NAT10: variants seen among roughly 807,000 people sequenced by gnomAD.
The protein encoded by NAT10 is RNA cytidine acetyltransferase.
A neutral mutation model predicts 132.2 loss-of-function variants in NAT10; 109 were observed. The ratio of observed to expected loss-of-function variants is 0.82; its 90% confidence interval spans 0.71 to 0.97. NAT10 has a LOEUF of 0.97. Among genes scored for constraint, NAT10 ranks in the 50% least tolerant of loss-of-function variants. NAT10 has a pLI of 0.00. For synonymous variants in NAT10, 479 were observed against 478.0 expected (o/e 1.00, Z -0.03); for missense variants, 1,184 against 1,263.4 (o/e 0.94, Z 0.95).
chr11:34,140,430 TC>T lies in NAT10; in HGVS notation c.2452del (p.Leu818SerfsTer5). ...AGCCGGGAGGAGCTGGAAGCACTCT[TC>T]CTCCCCTATGACCTGAAGCGGCTGG... ...ALSREELEALFLPYDLKRLEM... is the reference protein window; with the variant it reads ...ALSREELEALXLPYDLKRLEM... On this transcript the variant is annotated frameshift_variant, in exon 24 of 29. Coordinates refer to ENST00000257829, the MANE Select transcript of NAT10 (RefSeq NM_024662.3). LOFTEE classifies it high-confidence loss of function. 1.2e-6 allele frequency: 2 copies of T among 1,614,056 alleles called. No homozygotes were observed. Among genetic ancestry groups the T allele is most frequent in the Non-Finnish European group, 1.7e-6 (2 of 1,179,946 alleles).
intron 27 of NAT10, among the ~76,000 whole-genome samples, chr11:34,143,013 G>A (rs1322755117): frequency 6.6e-6 from 1 of 152,232 alleles, no homozygotes; most frequent in Non-Finnish European, 1.5e-5. Flanking sequence ...TGCCAGGACT[G>A]CTAAATCTGA....
rs1230748462 is a variant in NAT10, at chr11:34,134,494, T to C, written c.1837-18T>C. 6.2e-7 allele frequency: 1 copy of C among 1,614,034 alleles called. No homozygotes were observed. Among genetic ancestry groups the C allele is most frequent in the South Asian group, 1.1e-5 (1 of 91,080 alleles). On this transcript the variant is annotated intron_variant, in intron 17 of 28. Transcript: ENST00000257829. ...GATGTCTGTGTTGCTAAGTTACTGG[T>C]TTGTGTCTCCCACACAGTTCCAAGA...
intron 27 of NAT10, among the ~76,000 whole-genome samples, chr11:34,143,005 C>T (rs1745268893): frequency 6.6e-6 from 1 of 152,102 alleles, no homozygotes; most frequent in Admixed American, 6.5e-5. Flanking sequence ...CCTTGATTTG[C>T]CAGGACTGCT....
chr11:34,115,726 A>G lies in NAT10; in HGVS notation c.496-97A>G, dbSNP rs1851773051. 4 of 1,211,720 alleles carry G rather than the reference A, an allele frequency of 3.3e-6. No individual in the cohort carries two copies. The East Asian group carries it at 9.8e-5, about 30-fold the overall frequency. 75.1% of individuals were successfully genotyped at this position (1,211,720 alleles called of 1,614,324 possible). ...TGGGAGTGATTTTGTTTCCAGCAAG[A>G]TTGCCCATGTCTCCTTGGATAGAGC... On this transcript the variant is annotated intron_variant, in intron 5 of 28. Coordinates refer to ENST00000257829, the MANE Select transcript of NAT10 (RefSeq NM_024662.3).
At chr11:34,130,004 T>G (rs1852076850) in intron 12 of NAT10, among the ~76,000 whole-genome samples, 2 of 152,178 alleles carry the variant, frequency 1.3e-5, no homozygotes, top group East Asian at 3.8e-4. Context: ...AGGATACTTT[T>G]GGGAGAGCTT....
intron 5 of NAT10, 107 bp downstream of exon 5, chr11:34,113,945 A>G (rs1851743361): frequency 3.0e-6 from 4 of 1,355,478 alleles, no homozygotes; most frequent in Non-Finnish European, 3.0e-6. Flanking sequence ...GTGAGTAGTC[A>G]GCACAGCCTC....
chr11:34,115,915 C>T lies in NAT10; in HGVS notation c.557+31C>T, dbSNP rs368045718. The T allele has an allele frequency of 2.5e-6, 4 of 1,603,674 alleles. No individual in the cohort carries two copies. In the African/African-American group the frequency reaches 4.0e-5, roughly 16 times the overall value. On this transcript the variant is annotated intron_variant, in intron 6 of 28. Transcript: ENST00000257829. ...TCTATAGTTCCCCCCAATTGTGGGG[C>T]AGCCACATTGGGAGGGACATTTTTA...
chr11:34,132,103 G>A (rs200239493), intron 14 of NAT10, 22 bp from the exon 15 acceptor site: 21 of 1,566,752 alleles, frequency 1.3e-5, no homozygotes, highest in Non-Finnish European at 1.8e-5. Context: ...GTTTTGTTTT[G>A]GTTTCTTAAC....
Position 34,146,749 on chromosome 11 carries a change from C to G in NAT10, c.*557C>G, listed in dbSNP as rs1852450647. ...TCTTGGCTCCAGCAGACCCACTGTC[C>G]CAGAAAAGCCTGATCCTGTAGTTTA... On this transcript the variant is annotated 3_prime_UTR_variant, in exon 29 of 29. Coordinates refer to ENST00000257829, the MANE Select transcript of NAT10 (RefSeq NM_024662.3). 1 of 152,396 alleles carries G rather than the reference C, an allele frequency of 6.6e-6. No individual in the cohort carries two copies. The highest frequency in any genetic ancestry group is 2.4e-5 in the African/African-American group (1 of 41,428). The allele number at this position is 152,396 out of a possible 1,614,324, so 9.4% of individuals were successfully genotyped here.
Position 34,111,207 on chromosome 11 carries a change from G to T in NAT10, c.201-845G>T, listed in dbSNP as rs978365183. On this transcript the variant is annotated intron_variant, in intron 3 of 28. Coordinates refer to ENST00000257829, the MANE Select transcript of NAT10 (RefSeq NM_024662.3). Reference sequence around the variant, plus strand: ...CTTATAGCTCTTCTGCCCCACCCCTGTCTTAGTCTGGCAGAGCATTGTGTT... The same window carrying T: ...CTTATAGCTCTTCTGCCCCACCCCTTTCTTAGTCTGGCAGAGCATTGTGTT... 1.6e-4 allele frequency among the ~76,000 whole-genome samples: 25 copies of T among 152,270 alleles called. 1 individual carries two copies. In the South Asian group the frequency reaches 5.0e-3, roughly 30 times the overall value.
intron 4 of NAT10, among the ~76,000 whole-genome samples, chr11:34,112,472 G>A (rs914697908): frequency 9.9e-5 from 15 of 152,196 alleles, no homozygotes; most frequent in Admixed American, 5.2e-4. Flanking sequence ...TTATTATAAC[G>A]GGTTCTAACT....
At position 34,124,292 on chromosome 11, in the gene NAT10, TC is replaced by T. The variant is rs1176185598; in HGVS notation, c.1009-6del. The T allele has an allele frequency of 6.3e-7, 1 of 1,587,844 alleles. No individual in the cohort carries two copies. On this transcript the variant is annotated splice_polypyrimidine_tract_variant and intron_variant, in intron 10 of 28. Coordinates refer to ENST00000257829, the MANE Select transcript of NAT10 (RefSeq NM_024662.3). ...TTCTAAAGTTTGTCATTGGTTTGAC[TC>T]CCCACCAGGAACATCTGGATTATGA...
At position 34,124,289 on chromosome 11, in the gene NAT10, G is replaced by C. The variant is rs1271730630; in HGVS notation, c.1009-13G>C. The C allele has an allele frequency of 3.2e-6, 5 of 1,574,388 alleles. No individual in the cohort carries two copies. In the African/African-American group the frequency reaches 5.4e-5, roughly 17 times the overall value. ...TGTTTCTAAAGTTTGTCATTGGTTT[G>C]ACTCCCCACCAGGAACATCTGGATT... is the stretch of plus-strand genomic sequence containing the variant. On this transcript the variant is annotated splice_polypyrimidine_tract_variant and intron_variant, in intron 10 of 28. Transcript: ENST00000257829.
In NAT10 at chr11:34,133,090, C is replaced by T; in HGVS notation, c.1682C>T (p.Pro561Leu). The T allele has an allele frequency of 6.2e-7, 1 of 1,614,176 alleles. No homozygotes were observed. Among genetic ancestry groups the T allele is most frequent in the Non-Finnish European group, 8.5e-7 (1 of 1,180,008 alleles). Residue 561 changes from proline to leucine, a missense_variant, in exon 16 of 29, where the codon CCT becomes CTT. Coordinates refer to ENST00000257829, the MANE Select transcript of NAT10 (RefSeq NM_024662.3). The stretch of plus-strand genomic sequence containing the variant: ...GCTCACCATCTCTTCTGCCTTCTGC[C>T]TCCCGTGCCCCCCACCCAGAATGCC... ...APAHHLFCLL[P>L]PVPPTQNALP...
chr11:34,130,779 C>T (rs765030558), intron 12 of NAT10, 34 bp from the exon 13 acceptor site: 1 of 1,612,846 alleles, frequency 6.2e-7, no homozygotes, highest in South Asian at 1.1e-5. Context: ...GGATTTGGGA[C>T]CTTGTGCCTG....
In NAT10 at chr11:34,129,599, C is replaced by CT. The variant is rs71037399; in HGVS notation, c.1245-1188dup. Among the ~76,000 whole-genome samples, 553 of 56,710 alleles carry CT rather than the reference C, an allele frequency of 9.8e-3. 71 individuals are homozygous for CT. The highest frequency in any genetic ancestry group is 0.093 in the East Asian group (160 of 1,716). The allele number at this position is 56,710 out of a possible 152,430, so 37.2% of individuals were successfully genotyped here. On this transcript the variant is annotated intron_variant, in intron 12 of 28. Transcript: ENST00000257829. ...GTTTTTTCACTTTCTTCTTCTTCTT[C>CT]TTTTTTTTTTTTTTTTTTTTTTTTT...
At chr11:34,123,613 T>G (rs969595861) in intron 9 of NAT10, 149 bp from the exon 10 acceptor site, 6 of 574,140 alleles carry the variant, frequency 1.0e-5, no homozygotes, top group Non-Finnish European at 1.8e-5. Flanking sequence ...TTTACTTTCC[T>G]TCCCAAAAGG....
At position 34,139,558 on chromosome 11, in the gene NAT10, G is replaced by T. The variant is rs1417161030; in HGVS notation, c.2419+63G>T. ...GCTTGGCTGTGTGGGAGGTGGGTGT[G>T]GTGTCCTAGGAAGGGTTTGGGCTGG... On this transcript the variant is annotated intron_variant, in intron 23 of 28. Transcript: ENST00000257829. 1.3e-5 allele frequency: 18 copies of T among 1,435,624 alleles called. No homozygotes were observed. The South Asian group carries it at 2.0e-4, about 16-fold the overall frequency. 88.9% of individuals were successfully genotyped at this position (1,435,624 alleles called of 1,614,324 possible).
intron 26 of NAT10, 168 bp from the exon 27 acceptor site, chr11:34,142,107 C>G: frequency 3.0e-6 from 2 of 671,494 alleles, no homozygotes; most frequent in Non-Finnish European, 5.1e-6. Context: ...TAGTTTATAA[C>G]AGAGCTACCT....
Sources: gnomAD v4.1 joint callset for allele counts (sites outside exome capture counted in the v4.1 genomes callset) on GRCh38, gnomAD v4.1.1 for gene constraint, MANE v1.5 for transcripts, NCBI Gene and HGNC (gene_info 2026-07-23, HGNC 2026-07-21) for gene names.